Variants in DEFB124 observed in about 807,000 individuals in gnomAD.
DEFB124 encodes the protein defensin beta 124.
For synonymous variants in DEFB124, 38 were observed against 36.5 expected (o/e 1.04, Z -0.15); for missense variants, 78 against 83.1 (o/e 0.94, Z 0.24).
intron 2 of DEFB124, among the ~76,000 whole-genome samples, chr20:31,469,775 C>G (rs1049309179): frequency 1.7e-4 from 26 of 149,862 alleles, no homozygotes; most frequent in East Asian, 5.8e-4. Context: ...GTAAGGTCAC[C>G]GATCGACAGG....
intron 2 of DEFB124, among the ~76,000 whole-genome samples, chr20:31,472,285 C>A (rs1373413939): frequency 6.6e-6 from 1 of 152,146 alleles, no homozygotes; most frequent in African/African-American, 2.4e-5. Flanking sequence ...CGCCTGCAAT[C>A]GCAGGCACTG....
At chr20:31,471,669 G>T (rs1297466663) in intron 2 of DEFB124, among the ~76,000 whole-genome samples, 6 of 144,514 alleles carry the variant, frequency 4.2e-5, no homozygotes, top group African/African-American at 1.6e-4. Flanking sequence ...GGGCGGAGGG[G>T]CTCCTCACTT....
At chr20:31,467,966 T>C (rs1158318832) in intron 2 of DEFB124, among the ~76,000 whole-genome samples, 1 of 152,194 alleles carries the variant, frequency 6.6e-6, no homozygotes, top group Non-Finnish European at 1.5e-5. Context: ...TTGCCCATGC[T>C]GGTCTCGAAG....
At chr20:31,472,918 C>CGT in intron 2 of DEFB124, 38 bp downstream of exon 2, 5 of 890,538 alleles carry the variant, frequency 5.6e-6, no homozygotes, top group Non-Finnish European at 7.4e-6. Context: ...CACACATGTG[C>CGT]ACACACACAC....
At chr20:31,472,276 G>A (rs572342335) in intron 2 of DEFB124, among the ~76,000 whole-genome samples, 7 of 152,202 alleles carry the variant, frequency 4.6e-5, no homozygotes, top group East Asian at 1.9e-4. Context: ...GGTGGCGCGC[G>A]CCTGCAATCG....
At chr20:31,470,429 G>A (rs1292599648) in intron 2 of DEFB124, among the ~76,000 whole-genome samples, 23 of 142,540 alleles carry the variant, frequency 1.6e-4, no homozygotes, top group Non-Finnish European at 2.9e-4. Context: ...CGGGCGGGGG[G>A]CTGAGCCCCC....
intron 2 of DEFB124, among the ~76,000 whole-genome samples, chr20:31,471,090 A>G (rs1465733562): frequency 1.4e-5 from 1 of 73,076 alleles, no homozygotes; most frequent in African/African-American, 5.2e-5. Context: ...CGTGGGGCTG[A>G]CCCCCCCACC....
chr20:31,468,755 G>A (rs867061055), intron 2 of DEFB124, among the ~76,000 whole-genome samples: 6 of 152,136 alleles, frequency 3.9e-5, no homozygotes, highest in Admixed American at 1.3e-4. Flanking sequence ...GATTACAGGC[G>A]TGAGCCACCG....
In DEFB124 at chr20:31,465,624, G is replaced by T. The variant is rs762761376; in HGVS notation, c.98C>A (p.Ala33Asp). ...TTGCCTTGTGCAGTAAGTTTGGCAG[G>T]CCCCTTGACCCTTCCAGCACCGTTT... ...EFKRCWKGQG[A>D]CQTYCTRQET... is the part of the protein sequence containing the mutation. Residue 33 changes from alanine to aspartate, a missense_variant, in exon 3 of 3, where the codon GCC becomes GAC. Transcript: ENST00000317676. 2.5e-6 allele frequency: 4 copies of T among 1,613,998 alleles called. No individual in the cohort carries two copies. Among genetic ancestry groups the T allele is most frequent in the Non-Finnish European group, 3.4e-6 (4 of 1,180,040 alleles).
Position 31,472,917 on chromosome 20 carries a change from GCACA to G in DEFB124, c.58+35_58+38del, listed in dbSNP as rs34150499. The G allele has an allele frequency of 6.8e-5, 104 of 1,519,432 alleles. 1 individual carries two copies. Among genetic ancestry groups the G allele is most frequent in the South Asian group, 1.9e-4 (16 of 83,690 alleles). 94.1% of individuals were successfully genotyped at this position (1,519,432 alleles called of 1,614,324 possible). On this transcript the variant is annotated intron_variant, in intron 2 of 2. Transcript: ENST00000317676. ...TCCTCATTTTTACAAGCACACATGT[GCACA>G]CACACACACACACACATGCACACGA... is the stretch of plus-strand genomic sequence containing the variant.
rs367977154 is a variant in DEFB124 at position 31,470,917 on chromosome 20, G to A, written c.58+2039C>T. Among the ~76,000 whole-genome samples, 75 of 140,416 alleles carry A rather than the reference G, an allele frequency of 5.3e-4. No homozygotes were observed. In the East Asian group the frequency reaches 0.016, roughly 29 times the overall value. 92.1% of individuals were successfully genotyped at this position (140,416 alleles called of 152,430 possible). On this transcript the variant is annotated intron_variant, in intron 2 of 2. Coordinates refer to ENST00000317676, the MANE Select transcript of DEFB124 (RefSeq NM_001037500.2). ...ACCTCCCTCCCGGACGGGGTGGCTG[G>A]CCCGGCAGAGGGGCTCCTCACTTCC...
At chr20:31,471,084 G>C in intron 2 of DEFB124, among the ~76,000 whole-genome samples, 1 of 136,250 alleles carries the variant, frequency 7.3e-6, no homozygotes, top group South Asian at 2.4e-4. Context: ...CCCGGACGTG[G>C]GGCTGACCCC....
chr20:31,473,987 G>A (rs147742710), intron 1 of DEFB124, among the ~76,000 whole-genome samples: 22 of 152,278 alleles, frequency 1.4e-4, no homozygotes, highest in African/African-American at 3.8e-4. Flanking sequence ...AAGGTATCCC[G>A]GGCAGAAAGA....
chr20:31,473,111 G>T, intron 1 of DEFB124, 73 bp from the exon 2 acceptor site: 3 of 1,337,094 alleles, frequency 2.2e-6, no homozygotes, highest in Non-Finnish European at 3.1e-6. Flanking sequence ...TTATTGAGCT[G>T]CAGATGAAGG....
intron 2 of DEFB124, among the ~76,000 whole-genome samples, chr20:31,470,836 T>G (rs1195188301): frequency 1.8e-5 from 1 of 54,196 alleles, no homozygotes; most frequent in African/African-American, 7.3e-5. Context: ...GGGGTGCTGA[T>G]CCCCCCACCT....
At chr20:31,473,181 T>G (rs1980381390) in intron 1 of DEFB124, 143 bp from the exon 2 acceptor site, 3 of 681,968 alleles carry the variant, frequency 4.4e-6, no homozygotes, top group East Asian at 5.6e-5. Flanking sequence ...CCAGGCTGCT[T>G]GGGATTTCAG....
At chr20:31,473,250 A>G (rs1543438) in intron 1 of DEFB124, among the ~76,000 whole-genome samples, 58,268 of 151,948 alleles carry the variant, frequency 0.38, 15,421 homozygotes, top group African/African-American at 0.76. Flanking sequence ...TCGGAAGGGG[A>G]GGTAGAATTT....
At chr20:31,472,356 C>T (rs1423768229) in intron 2 of DEFB124, among the ~76,000 whole-genome samples, 3 of 150,178 alleles carry the variant, frequency 2.0e-5, no homozygotes, top group Admixed American at 6.6e-5. Flanking sequence ...GGCAGCAGTA[C>T]AGTCCAGCTT....
chr20:31,467,040 GATGGCCAGTTAGA>G (rs1980101089), intron 2 of DEFB124, among the ~76,000 whole-genome samples: 1 of 152,220 alleles, frequency 6.6e-6, no homozygotes, highest in Non-Finnish European at 1.5e-5. Flanking sequence ...AGGGTACTGT[GATGGCCAGTTAGA>G]ATGCATGTGG....
Sources: gnomAD v4.1 joint callset for allele counts (sites outside exome capture counted in the v4.1 genomes callset) on GRCh38, gnomAD v4.1.1 for gene constraint, MANE v1.5 for transcripts, NCBI Gene and HGNC (gene_info 2026-07-23, HGNC 2026-07-21) for gene names.